TSPAN15: variants seen among roughly 807,000 people sequenced by gnomAD.
The protein encoded by TSPAN15 is tetraspanin 15.
A neutral mutation model predicts 34.5 loss-of-function variants in TSPAN15; 20 were observed. That is an observed-to-expected ratio of 0.58 (90% CI 0.41 to 0.84). The LOEUF (loss-of-function observed/expected upper bound fraction) is 0.84, where lower values mean the gene tolerates loss of function less well. TSPAN15 is among the 40% of genes least tolerant of loss of function. The pLI, the probability that TSPAN15 is intolerant of heterozygous loss-of-function variation, is 0.00. For missense variants in TSPAN15, 313 were observed against 386.1 expected (o/e 0.81, Z 1.59); for synonymous variants, 155 against 153.9 (o/e 1.01, Z -0.05).
intron 3 of TSPAN15, among the ~76,000 whole-genome samples, chr10:69,486,600 A>G (rs1409414346): frequency 6.6e-6 from 1 of 152,156 alleles, no homozygotes; most frequent in Non-Finnish European, 1.5e-5. Flanking sequence ...CCCTGTGCCC[A>G]GCCAAATTAT....
intron 1 of TSPAN15, among the ~76,000 whole-genome samples, chr10:69,479,222 G>C (rs907383108): frequency 3.9e-5 from 6 of 152,242 alleles, no homozygotes; most frequent in South Asian, 2.1e-4. Flanking sequence ...TGCCCCAGCT[G>C]TGGTGAGCCA....
At chr10:69,523,467 G>C in the TSPAN15 span, 1 of 542,400 alleles carries the variant, frequency 1.8e-6, no homozygotes, top group Non-Finnish European at 3.5e-6. Context: ...GGGGCTTTCT[G>C]CAAGAGGGCA....
chr10:69,495,293 A>G (rs1479747608), intron 3 of TSPAN15: 4 of 311,294 alleles, frequency 1.3e-5, no homozygotes, highest in East Asian at 7.1e-5. Flanking sequence ...TGTGTCCCCA[A>G]GCACGGCCCC....
chr10:69,455,793 A>G (rs1346232744), intron 1 of TSPAN15, among the ~76,000 whole-genome samples: 2 of 151,944 alleles, frequency 1.3e-5, no homozygotes, highest in African/African-American at 4.8e-5. Flanking sequence ...ACATGCAGAC[A>G]CGCACCTGCC....
the TSPAN15 span, among the ~76,000 whole-genome samples, chr10:69,521,269 G>A: frequency 1.3e-5 from 2 of 151,748 alleles, no homozygotes; most frequent in African/African-American, 4.8e-5. Flanking sequence ...CAGCACTTTG[G>A]GAGGCTGAGG....
the TSPAN15 span, among the ~76,000 whole-genome samples, chr10:69,539,490 GAAGA>G: frequency 3.3e-5 from 2 of 60,746 alleles, no homozygotes; most frequent in East Asian, 5.5e-4. Context: ...AGGAGAAGAA[GAAGA>G]AGAAGAAGAA....
chr10:69,452,426 G>T (rs1840993425), intron 1 of TSPAN15, among the ~76,000 whole-genome samples: 1 of 152,060 alleles, frequency 6.6e-6, no homozygotes, highest in African/African-American at 2.4e-5. Flanking sequence ...TTCAGTTTGT[G>T]CGTTTCTGAA....
intron 5 of TSPAN15, 58 bp from the exon 6 acceptor site, chr10:69,504,380 A>T: frequency 6.6e-7 from 1 of 1,515,642 alleles, no homozygotes; most frequent in Non-Finnish European, 9.2e-7. Context: ...GTAGGATAAT[A>T]GTGCCTTTTT....
chr10:69,459,480 C>T (rs1841195724), intron 1 of TSPAN15, among the ~76,000 whole-genome samples: 1 of 152,092 alleles, frequency 6.6e-6, no homozygotes, highest in African/African-American at 2.4e-5. Flanking sequence ...TTATGAGGAG[C>T]TGACATTTCA....
chr10:69,459,128 A>G (rs922920424), intron 1 of TSPAN15, among the ~76,000 whole-genome samples: 42 of 144,624 alleles, frequency 2.9e-4, no homozygotes, highest in Non-Finnish European at 4.5e-4. Context: ...AAAAAAAACA[A>G]CAACAAAACA....
chr10:69,545,880 C>G, the TSPAN15 span, among the ~76,000 whole-genome samples: 11 of 152,204 alleles, frequency 7.2e-5, no homozygotes, highest in East Asian at 2.1e-3. Context: ...TTCTTGAACC[C>G]GGGAGGCCAA....
At chr10:69,474,937 C>T (rs60556113) in intron 1 of TSPAN15, among the ~76,000 whole-genome samples, 9,476 of 152,130 alleles carry the variant, frequency 0.062, 1,018 homozygotes, top group African/African-American at 0.22. Flanking sequence ...ACTGAGTCAG[C>T]GGGGTCTGGG....
At chr10:69,493,158 A>G (rs1842003402) in intron 3 of TSPAN15, among the ~76,000 whole-genome samples, 1 of 152,198 alleles carries the variant, frequency 6.6e-6, no homozygotes, top group Non-Finnish European at 1.5e-5. Flanking sequence ...CAGGCACCCA[A>G]GGATGGAAAA....
chr10:69,455,280 G>A (rs1038217413), intron 1 of TSPAN15, among the ~76,000 whole-genome samples: 2 of 151,964 alleles, frequency 1.3e-5, no homozygotes, highest in Non-Finnish European at 2.9e-5. Flanking sequence ...CTGAGCTATC[G>A]TAGTCAAAGG....
At chr10:69,496,750 C>A (rs1485463983) in intron 4 of TSPAN15, among the ~76,000 whole-genome samples, 2 of 152,214 alleles carry the variant, frequency 1.3e-5, no homozygotes, top group Non-Finnish European at 2.9e-5. Flanking sequence ...GCTGTGGCCG[C>A]TCCCTTGGCC....
chr10:69,543,861 G>GTGTGTGTGTGTA, the TSPAN15 span, among the ~76,000 whole-genome samples: 4 of 137,452 alleles, frequency 2.9e-5, no homozygotes, highest in South Asian at 9.5e-4. Context: ...GTGTGTGTGT[G>GTGTGTGTGTGTA]TGTGTGTGTG....
chr10:69,540,335 C>G, the TSPAN15 span, among the ~76,000 whole-genome samples: 1,257 of 152,332 alleles, frequency 8.3e-3, 12 homozygotes, highest in Non-Finnish European at 0.014. Flanking sequence ...GCAAAGCTTG[C>G]AGTGAGCTGA....
chr10:69,546,052 T>C, the TSPAN15 span, among the ~76,000 whole-genome samples: 1 of 152,164 alleles, frequency 6.6e-6, no homozygotes, highest in South Asian at 2.1e-4. Context: ...GAGTTTACCT[T>C]GTATTTCCTT....
At chr10:69,482,965 ATTT>A (rs201958040) in intron 1 of TSPAN15, among the ~76,000 whole-genome samples, 63,070 of 151,022 alleles carry the variant, frequency 0.42, 13,502 homozygotes, top group Non-Finnish European at 0.45. Context: ...GGCAGGGTTG[ATTT>A]TTTTTTTTTG....
Sources: allele counts gnomAD v4.1 joint callset (sites outside exome capture counted in the v4.1 genomes callset), GRCh38; gene constraint gnomAD v4.1.1; transcripts MANE v1.5; gene names NCBI Gene and HGNC (gene_info 2026-07-23, HGNC 2026-07-21).